PSKH1: variants seen among roughly 807,000 people sequenced by gnomAD.
The protein encoded by PSKH1 is serine/threonine-protein kinase H1.
A neutral mutation model predicts 26.7 loss-of-function variants in PSKH1; 12 were observed. The ratio of observed to expected loss-of-function variants is 0.45; its 90% CI spans 0.29 to 0.73. The LOEUF (loss-of-function observed/expected upper bound fraction) is 0.73, where lower values mean the gene tolerates loss of function less well. Ranked by LOEUF, PSKH1 falls within the 30% of genes least tolerant of loss-of-function variation. PSKH1 has a pLI of 0.11. For missense variants in PSKH1, 431 were observed against 595.2 expected, an observed-to-expected ratio of 0.72 and a Z score of 2.87; for synonymous variants, 213 against 234.3, an observed-to-expected ratio of 0.91 and a Z score of 0.83.
rs1362952590 is a variant in PSKH1, at chr16:67,927,360, C to T, written c.993C>T (p.Phe331=). ...GTGTGTCCAACCTGGCCAAGGACTT[C>T]ATTGACCGCCTGCTGACAGTGGACC... ...WPSVSNLAKD[F]IDRLLTVDPG... Residue 331 remains phenylalanine, a synonymous_variant, in exon 3 of 3, where the codon TTC becomes TTT. Transcript: ENST00000291041. The surrounding 1 kb of genome is among the most constrained non-coding windows in gnomAD (Gnocchi z 5.5). 6.8e-6 allele frequency: 11 copies of T among 1,613,272 alleles called. No homozygotes were observed. Among genetic ancestry groups the T allele is most frequent in the Non-Finnish European group, 9.3e-6 (11 of 1,179,396 alleles).
At chr16:67,921,200 C>T (rs1174946823) in intron 2 of PSKH1, among the ~76,000 whole-genome samples, 1 of 152,036 alleles carries the variant, frequency 6.6e-6, no homozygotes, top group Admixed American at 6.6e-5. Context: ...ATTGCTTGAA[C>T]CCAGGAGGTA....
intron 1 of PSKH1, among the ~76,000 whole-genome samples, chr16:67,907,834 A>G (rs558487737): frequency 6.6e-6 from 1 of 152,218 alleles, no homozygotes; most frequent in South Asian, 2.1e-4. Context: ...CTTGTTACAG[A>G]GGGACCAACC....
At position 67,909,100 on chromosome 16, in the gene PSKH1, C is replaced by T; in HGVS notation, c.351C>T (p.His117=). ...GSFSRVVRVE[H]RATRQPYAIK... is the part of the protein sequence containing the mutation. ...TCAGCCGAGTGGTACGTGTAGAGCA[C>T]CGGGCAACCCGGCAGCCGTATGCCA... is the stretch of plus-strand genomic sequence containing the variant. Residue 117 remains histidine, a synonymous_variant, in exon 2 of 3, where the codon CAC becomes CAT. Coordinates refer to ENST00000291041, the MANE Select transcript of PSKH1 (RefSeq NM_006742.3). The surrounding 1 kb of genome is among the most constrained non-coding windows in gnomAD (Gnocchi z 7.8). 6.2e-7 allele frequency: 1 copy of T among 1,614,170 alleles called. No individual in the cohort carries two copies. Among genetic ancestry groups the T allele is most frequent in the Non-Finnish European group, 8.5e-7 (1 of 1,180,028 alleles).
intron 2 of PSKH1, among the ~76,000 whole-genome samples, chr16:67,921,435 C>A (rs1340606550): frequency 6.6e-6 from 1 of 151,770 alleles, no homozygotes; most frequent in Non-Finnish European, 1.5e-5. Flanking sequence ...ATTAACCAGG[C>A]ATGGTGGCAT....
chr16:67,908,391 T>G (rs527405676), intron 1 of PSKH1, among the ~76,000 whole-genome samples: 4 of 152,350 alleles, frequency 2.6e-5, no homozygotes, highest in African/African-American at 9.6e-5. Flanking sequence ...TGCCTCAGCC[T>G]CCCGAGTAGG....
chr16:67,920,350 C>A (rs2058198753), intron 2 of PSKH1, among the ~76,000 whole-genome samples: 1 of 152,182 alleles, frequency 6.6e-6, no homozygotes, highest in African/African-American at 2.4e-5. Flanking sequence ...TAACCTTAAA[C>A]TCCCGGGCCC....
intron 1 of PSKH1, among the ~76,000 whole-genome samples, chr16:67,907,358 T>G (rs1598188676): frequency 6.6e-6 from 1 of 151,796 alleles, no homozygotes; most frequent in Middle Eastern, 3.4e-3. Context: ...CCTCCCGGGT[T>G]CAAGCAATTC....
chr16:67,925,282 G>A (rs972423468), intron 2 of PSKH1, among the ~76,000 whole-genome samples: 1 of 151,206 alleles, frequency 6.6e-6, no homozygotes, highest in East Asian at 1.9e-4. Flanking sequence ...TGCAACCTCC[G>A]CCTCTCAGGT....
chr16:67,899,480 C>T (rs1164558794), intron 1 of PSKH1, among the ~76,000 whole-genome samples: 2 of 149,620 alleles, frequency 1.3e-5, no homozygotes, highest in South Asian at 2.1e-4. Context: ...GGACTACAGG[C>T]GCCTGCCACC....
chr16:67,925,469 G>A (rs2058213419), intron 2 of PSKH1, among the ~76,000 whole-genome samples: 1 of 152,092 alleles, frequency 6.6e-6, no homozygotes, highest in Non-Finnish European at 1.5e-5. Context: ...TGGGATTACA[G>A]GCATGAGCCA....
chr16:67,908,688 G>T lies in PSKH1; in HGVS notation c.-62G>T. The T allele has an allele frequency of 7.2e-7, 1 of 1,398,574 alleles. No homozygotes were observed. Among genetic ancestry groups the T allele is most frequent in the South Asian group, 1.3e-5 (1 of 75,740 alleles). The allele number at this position is 1,398,574 out of a possible 1,614,324, so 86.6% of individuals were successfully genotyped here. A position where few individuals can be genotyped will look rare whatever the true frequency, so the allele number is the denominator to read the frequency against. ...TCTCTCTTTGTGTGTAGGTGTAGAC[G>T]GGGCACTGCCTTCAGAGCAGGTCCT... On this transcript the variant is annotated 5_prime_UTR_variant, in exon 2 of 3. Transcript: ENST00000291041.
chr16:67,904,531 G>T (rs185147299), intron 1 of PSKH1, among the ~76,000 whole-genome samples: 8 of 152,070 alleles, frequency 5.3e-5, no homozygotes, highest in Admixed American at 3.3e-4. Flanking sequence ...GTAGAGACAG[G>T]GTTTCTCCAT....
At chr16:67,910,865 G>A (rs1048237352) in intron 2 of PSKH1, among the ~76,000 whole-genome samples, 2 of 152,218 alleles carry the variant, frequency 1.3e-5, no homozygotes, top group African/African-American at 2.4e-5. Context: ...CTTCTTGTGC[G>A]CCAGCAAACA....
intron 2 of PSKH1, among the ~76,000 whole-genome samples, chr16:67,915,452 G>T (rs967473589): frequency 8.6e-5 from 13 of 152,022 alleles, no homozygotes; most frequent in Non-Finnish European, 1.6e-4. Context: ...CTGGGGGAGG[G>T]GTCCTTATCA....
chr16:67,895,175 G>A (rs1271307527), intron 1 of PSKH1, among the ~76,000 whole-genome samples: 16 of 151,472 alleles, frequency 1.1e-4, no homozygotes, highest in Non-Finnish European at 2.2e-4. Context: ...CACCTGCCTC[G>A]GCCTCCCAAA....
Position 67,929,618 on chromosome 16 carries a change from G to A in PSKH1, c.*1976G>A, listed in dbSNP as rs142677305. Reference sequence around the variant, plus strand: ...TATTATGCGTATTCAGTTTGTAAACGTATCCTCTGTATTCAGTAAACAGGC... The same window carrying A: ...TATTATGCGTATTCAGTTTGTAAACATATCCTCTGTATTCAGTAAACAGGC... On this transcript the variant is annotated 3_prime_UTR_variant, in exon 3 of 3. Transcript: ENST00000291041. 2.2e-5 allele frequency: 8 copies of A among 363,624 alleles called. No homozygotes were observed. Among genetic ancestry groups the A allele is most frequent in the East Asian group, 1.5e-4 (3 of 20,322 alleles). The allele number at this position is 363,624 out of a possible 1,614,324, so 22.5% of individuals were successfully genotyped here.
chr16:67,905,185 A>C (rs1044742073), intron 1 of PSKH1, among the ~76,000 whole-genome samples: 2 of 152,056 alleles, frequency 1.3e-5, no homozygotes, highest in African/African-American at 4.8e-5. Flanking sequence ...CCTTCTCTCT[A>C]AACACAGATC....
intron 1 of PSKH1, among the ~76,000 whole-genome samples, chr16:67,906,094 A>G (rs564090355): frequency 1.6e-3 from 248 of 151,718 alleles, no homozygotes; most frequent in Admixed American, 3.9e-3. Flanking sequence ...TCTTTTTGAG[A>G]CAGAGTTTCA....
chr16:67,916,047 T>C (rs2058187091), intron 2 of PSKH1, among the ~76,000 whole-genome samples: 2 of 152,220 alleles, frequency 1.3e-5, no homozygotes, highest in Admixed American at 6.5e-5. Context: ...ACATGGACTA[T>C]GGTGCTCAGG....
Sources: gnomAD v4.1 joint callset for allele counts (sites outside exome capture counted in the v4.1 genomes callset) on GRCh38, gnomAD v4.1.1 for gene constraint, Gnocchi (gnomAD v3.1) non-coding constraint, MANE v1.5 for transcripts, NCBI Gene and HGNC (gene_info 2026-07-23, HGNC 2026-07-21) for gene names.